The following STARD3NL variants were observed in gnomAD, a reference collection of about 807,000 sequenced individuals.
STARD3NL encodes STARD3 N-terminal like.
In STARD3NL, 17 loss-of-function variants were observed where a neutral mutation model predicts 30.9. The ratio of observed to expected loss-of-function variants is 0.55; its 90% CI spans 0.38 to 0.82. The LOEUF is 0.82. Ranked by LOEUF, STARD3NL falls within the 40% of genes least tolerant of loss-of-function variation. The probability of loss-of-function intolerance (pLI) is 0.00; values close to 1 mark genes in which losing one functional copy is unlikely to be tolerated. For synonymous variants in STARD3NL, 112 were observed against 100.5 expected (o/e 1.11, Z -0.69); for missense variants, 234 against 277.6 (o/e 0.84, Z 1.12).
intron 1 of STARD3NL, among the ~76,000 whole-genome samples, chr7:38,206,934 A>ATTTTTCT (rs896456016): frequency 6.6e-6 from 1 of 151,976 alleles, no homozygotes; most frequent in South Asian, 2.1e-4. Flanking sequence ...TGCGCAGCTG[A>ATTTTTCT]TTTTTCTTTT....
intron 7 of STARD3NL, among the ~76,000 whole-genome samples, chr7:38,224,867 G>A (rs1352635575): frequency 2.6e-5 from 4 of 152,052 alleles, no homozygotes; most frequent in South Asian, 2.1e-4. Flanking sequence ...TATCATGTTC[G>A]TCTTATGGCA....
At chr7:38,228,082 T>C (rs17171308) in intron 7 of STARD3NL, among the ~76,000 whole-genome samples, 32,014 of 152,202 alleles carry the variant, frequency 0.21, 3,442 homozygotes, top group Non-Finnish European at 0.22. Flanking sequence ...CATTTGCTTT[T>C]ACCTTACAGC....
intron 1 of STARD3NL, among the ~76,000 whole-genome samples, chr7:38,204,334 C>G (rs1785337150): frequency 6.6e-6 from 1 of 152,218 alleles, no homozygotes; most frequent in Non-Finnish European, 1.5e-5. Context: ...AAGAAACTCA[C>G]TCAAAACCGC....
At chr7:38,224,891 G>A (rs1392347001) in intron 7 of STARD3NL, among the ~76,000 whole-genome samples, 2 of 152,048 alleles carry the variant, frequency 1.3e-5, no homozygotes, top group African/African-American at 2.4e-5. Flanking sequence ...TTTTTCATAG[G>A]TATGTATGTA....
chr7:38,184,467 A>T (rs1784374523), intron 1 of STARD3NL, among the ~76,000 whole-genome samples: 2 of 151,832 alleles, frequency 1.3e-5, no homozygotes, highest in African/African-American at 4.8e-5. Context: ...GCAGAAAAAA[A>T]AGCTGGAGCA....
rs540718472 is a variant in STARD3NL at position 38,223,775 on chromosome 7, A to G, written c.649+4115A>G. Among the ~76,000 whole-genome samples, 5 of 152,214 alleles carry G rather than the reference A, an allele frequency of 3.3e-5. No homozygotes were observed. In the East Asian group the frequency reaches 7.7e-4, roughly 23 times the overall value. On this transcript the variant is annotated intron_variant, in intron 7 of 8. Transcript: ENST00000009041. ...TTATTGAAAAGTCATTGCCAGGGATACTGAATTATATTGACTTTTTAAAAA... is the reference window on the plus strand; with the variant it reads ...TTATTGAAAAGTCATTGCCAGGGATGCTGAATTATATTGACTTTTTAAAAA...
intron 1 of STARD3NL, among the ~76,000 whole-genome samples, chr7:38,199,144 C>T (rs988377861): frequency 2.6e-5 from 4 of 152,224 alleles, no homozygotes; most frequent in African/African-American, 9.6e-5. Context: ...CACTCCCATA[C>T]TTCCCACACA....
At chr7:38,204,022 A>C (rs1472875602) in intron 1 of STARD3NL, among the ~76,000 whole-genome samples, 1 of 152,210 alleles carries the variant, frequency 6.6e-6, no homozygotes, top group African/African-American at 2.4e-5. Flanking sequence ...TTAGACTCCC[A>C]CACAATAATA....
At chr7:38,184,152 C>T (rs967308485) in intron 1 of STARD3NL, among the ~76,000 whole-genome samples, 1 of 152,042 alleles carries the variant, frequency 6.6e-6, no homozygotes, top group Non-Finnish European at 1.5e-5. Context: ...ATTATACATA[C>T]GTGGTCAGAG....
chr7:38,179,995 G>A (rs1784182638), intron 1 of STARD3NL, among the ~76,000 whole-genome samples: 1 of 152,204 alleles, frequency 6.6e-6, no homozygotes, highest in Admixed American at 6.5e-5. Context: ...GGAGGGTGAG[G>A]TGAGGAGACA....
At chr7:38,229,446 A>G (rs1786973717) in intron 8 of STARD3NL, among the ~76,000 whole-genome samples, 1 of 152,268 alleles carries the variant, frequency 6.6e-6, no homozygotes. Context: ...CCAAAGTGGA[A>G]CACATTGTTA....
chr7:38,215,289 T>G (rs1398030564), intron 4 of STARD3NL, 184 bp downstream of exon 4: 1 of 563,380 alleles, frequency 1.8e-6, no homozygotes, highest in African/African-American at 1.9e-5. Context: ...CCAATGTTAA[T>G]GAGTAACTAG....
chr7:38,189,250 T>C (rs1207185961), intron 1 of STARD3NL, among the ~76,000 whole-genome samples: 1 of 152,124 alleles, frequency 6.6e-6, no homozygotes, highest in Non-Finnish European at 1.5e-5. Context: ...GAAAATATGA[T>C]GCCTAGAAAA....
At chr7:38,228,219 G>C (rs138009221) in intron 7 of STARD3NL, among the ~76,000 whole-genome samples, 41 of 152,168 alleles carry the variant, frequency 2.7e-4, no homozygotes, top group African/African-American at 9.4e-4. Flanking sequence ...CTAATTTTTA[G>C]AGAGAAAATC....
chr7:38,180,904 A>G (rs1784219136), intron 1 of STARD3NL, among the ~76,000 whole-genome samples: 1 of 152,170 alleles, frequency 6.6e-6, no homozygotes, highest in African/African-American at 2.4e-5. Flanking sequence ...CACCCTGCTC[A>G]TTTTCAGGCT....
chr7:38,189,882 A>G (rs932417109), intron 1 of STARD3NL, among the ~76,000 whole-genome samples: 3 of 152,204 alleles, frequency 2.0e-5, no homozygotes, highest in East Asian at 1.9e-4. Context: ...ATACAAAGGT[A>G]CGTGTACAAA....
chr7:38,181,446 G>A (rs1413046268), intron 1 of STARD3NL, among the ~76,000 whole-genome samples: 1 of 151,926 alleles, frequency 6.6e-6, no homozygotes, highest in Non-Finnish European at 1.5e-5. Flanking sequence ...TGTTAACAGT[G>A]GTCTTAAAAT....
At chr7:38,218,850 G>A (rs1786281515) in intron 6 of STARD3NL, among the ~76,000 whole-genome samples, 1 of 151,946 alleles carries the variant, frequency 6.6e-6, no homozygotes, top group Admixed American at 6.6e-5. Context: ...CCTTCTTGTT[G>A]CATAAATATT....
intron 1 of STARD3NL, among the ~76,000 whole-genome samples, chr7:38,198,721 C>T (rs1746087957): frequency 6.6e-6 from 1 of 152,146 alleles, no homozygotes; most frequent in East Asian, 1.9e-4. Flanking sequence ...CTCTCTTCTC[C>T]TCCTAGGAAG....
Sources: gnomAD v4.1 joint callset for allele counts (sites outside exome capture counted in the v4.1 genomes callset) on GRCh38, gnomAD v4.1.1 for gene constraint, MANE v1.5 for transcripts, NCBI Gene and HGNC (gene_info 2026-07-23, HGNC 2026-07-21) for gene names.